Variants in ABI2 observed in about 807,000 individuals in gnomAD.
ABI2 encodes the protein abl interactor 2, also known as abelson interactor 2.
Under a neutral mutation model 59.2 loss-of-function variants are expected in ABI2, and 25 were observed. The observed-to-expected ratio is 0.42, with a 90% CI of 0.31 to 0.59. The LOEUF (loss-of-function observed/expected upper bound fraction) is 0.59, where lower values mean the gene tolerates loss of function less well. Ranked by LOEUF, ABI2 falls within the 20% of genes least tolerant of loss-of-function variation. ABI2 has a pLI of 0.14. For synonymous variants in ABI2, 213 were observed against 235.5 expected (o/e 0.90, Z 0.87); for missense variants, 545 against 681.8 (o/e 0.80, Z 2.23).
In ABI2 at chr2:203,430,204, C is replaced by A. The variant is rs918263282; in HGVS notation, c.*2852C>A. Reference sequence around the variant, plus strand: ...TTTTTGTTTTATTGTAAGTTTCCCTCTTTTTTTATAAATTAAAAGATGGTT... The same window carrying A: ...TTTTTGTTTTATTGTAAGTTTCCCTATTTTTTTATAAATTAAAAGATGGTT... On this transcript the variant is annotated 3_prime_UTR_variant, in exon 12 of 12. Transcript: ENST00000261018. 6.6e-6 allele frequency: 1 copy of A among 151,620 alleles called. No individual in the cohort carries two copies. The highest frequency in any genetic ancestry group is 6.6e-5 in the Admixed American group (1 of 15,206). The allele number at this position is 151,620 out of a possible 1,614,324, so 9.4% of individuals were successfully genotyped here.
chr2:203,395,162 C>G, intron 6 of ABI2: 1 of 698,886 alleles, frequency 1.4e-6, no homozygotes. Context: ...AGATGAAAAA[C>G]TATACATAAT....
Position 203,366,870 on chromosome 2 carries a change from T to C in ABI2, c.118-7T>C, listed in dbSNP as rs2094501538. 2 of 1,527,808 alleles carry C rather than the reference T, an allele frequency of 1.3e-6. No homozygotes were observed. Among genetic ancestry groups the C allele is most frequent in the Non-Finnish European group, 1.8e-6 (2 of 1,132,812 alleles). 94.6% of individuals were successfully genotyped at this position (1,527,808 alleles called of 1,614,324 possible). A position where few individuals can be genotyped will look rare whatever the true frequency, so the allele number is the denominator to read the frequency against. ...ATTAATGATCACTGGTTTGTTTTTT[T>C]TCCCAGTCAGCAGATAAGCAGAGAG... On this transcript the variant is annotated splice_polypyrimidine_tract_variant and splice_region_variant and intron_variant, in intron 1 of 11. Transcript: ENST00000261018.
chr2:203,402,892 C>T (rs944922112), intron 9 of ABI2, among the ~76,000 whole-genome samples, 158 bp downstream of exon 9: 1 of 152,052 alleles, frequency 6.6e-6, no homozygotes, highest in African/African-American at 2.4e-5. Context: ...AATACTGTAT[C>T]TTTCAATTCT....
rs1209239743 is a variant in ABI2, at chr2:203,380,361, G to C, written c.439G>C (p.Asp147His). 1 of 1,563,920 alleles carries C rather than the reference G, an allele frequency of 6.4e-7. No individual in the cohort carries two copies. Among genetic ancestry groups the C allele is most frequent in the South Asian group, 1.2e-5 (1 of 81,982 alleles). The change falls in exon 3 of 12, where the codon GAT becomes CAT. Residue 147 changes from aspartate (D) to histidine (H), a missense_variant. By Grantham distance (81) the Asp-to-His change is moderately conservative. Transcript: ENST00000261018. ...IRKPIDYTIL[D>H]DIGHGVKWLL... is the part of the protein sequence containing the mutation. ...AAAACCTATTGACTATACAATTCTA[G>C]ATGATATTGGACATGGAGTAAAGGT...
intron 7 of ABI2, among the ~76,000 whole-genome samples, chr2:203,396,481 C>A (rs1431742936): frequency 6.6e-6 from 1 of 151,994 alleles, no homozygotes; most frequent in East Asian, 1.9e-4. Flanking sequence ...ATACTATATA[C>A]AGAATGTTAT....
chr2:203,343,694 G>C (rs2081428414), intron 1 of ABI2, among the ~76,000 whole-genome samples: 1 of 152,180 alleles, frequency 6.6e-6, no homozygotes, highest in South Asian at 2.1e-4. Context: ...CTCTGATTGA[G>C]ATTGGTTTAA....
At chr2:203,415,461 C>T (rs1447323879) in intron 10 of ABI2, among the ~76,000 whole-genome samples, 1 of 151,606 alleles carries the variant, frequency 6.6e-6, no homozygotes, top group Non-Finnish European at 1.5e-5. Flanking sequence ...ACTAAAAATA[C>T]AAAAAATTAG....
chr2:203,429,181 C>T lies in ABI2; in HGVS notation c.*1829C>T, dbSNP rs556284263. On this transcript the variant is annotated 3_prime_UTR_variant, in exon 12 of 12. Transcript: ENST00000261018. ...CTTTGTATTTATTAGCTTTCATTAA[C>T]TTGCCTCCAGTATACATTCCACTTC... 2 of 152,326 alleles carry T rather than the reference C, an allele frequency of 1.3e-5. No individual in the cohort carries two copies. The highest frequency in any genetic ancestry group is 3.9e-4 in the East Asian group (2 of 5,194). The allele number at this position is 152,326 out of a possible 1,614,324, so 9.4% of individuals were successfully genotyped here.
At chr2:203,334,431 C>G (rs777483494) in intron 1 of ABI2, among the ~76,000 whole-genome samples, 2 of 151,936 alleles carry the variant, frequency 1.3e-5, no homozygotes, top group Non-Finnish European at 2.9e-5. Context: ...TTTTAAAATG[C>G]AGGGAATTTA....
intron 10 of ABI2, 34 bp downstream of exon 10, chr2:203,411,405 A>G: frequency 3.3e-6 from 5 of 1,521,426 alleles, no homozygotes; most frequent in Non-Finnish European, 4.5e-6. Context: ...TGTAGATCAG[A>G]TTGTAGGCAT....
intron 11 of ABI2, among the ~76,000 whole-genome samples, chr2:203,422,153 C>A (rs1340924087): frequency 9.9e-5 from 15 of 151,938 alleles, no homozygotes; most frequent in Non-Finnish European, 1.5e-5. Context: ...GAAAACTTAG[C>A]CAGACATGGT....
intron 11 of ABI2, among the ~76,000 whole-genome samples, chr2:203,422,807 C>T (rs940613709): frequency 6.6e-6 from 1 of 152,122 alleles, no homozygotes; most frequent in African/African-American, 2.4e-5. Context: ...GGTTCTAAAA[C>T]ATTTCTTAGA....
At chr2:203,420,085 T>G (rs2153569518) in intron 11 of ABI2, among the ~76,000 whole-genome samples, 1 of 152,332 alleles carries the variant, frequency 6.6e-6, no homozygotes, top group South Asian at 2.1e-4. Context: ...TACTGTAAAC[T>G]ATTAATAGTT....
chr2:203,371,800 T>C (rs908924012), intron 2 of ABI2, among the ~76,000 whole-genome samples: 1 of 152,158 alleles, frequency 6.6e-6, no homozygotes, highest in Non-Finnish European at 1.5e-5. Context: ...TGTTGCTTAC[T>C]GTGCCCATTA....
intron 9 of ABI2, among the ~76,000 whole-genome samples, chr2:203,407,504 A>T (rs1224067592): frequency 6.6e-6 from 1 of 152,238 alleles, no homozygotes; most frequent in Non-Finnish European, 1.5e-5. Context: ...TTTGAATTGG[A>T]CATCTAAAAT....
At chr2:203,364,430 C>T (rs1032580730) in intron 1 of ABI2, among the ~76,000 whole-genome samples, 3 of 152,102 alleles carry the variant, frequency 2.0e-5, no homozygotes, top group Admixed American at 6.5e-5. Context: ...GAATTGAACC[C>T]GGGTCTCCTG....
intron 1 of ABI2, among the ~76,000 whole-genome samples, chr2:203,336,302 G>A (rs2076416249): frequency 6.6e-6 from 1 of 152,148 alleles, no homozygotes; most frequent in Admixed American, 6.5e-5. Context: ...TCACTCTTTT[G>A]GGTAAATTTA....
At chr2:203,354,705 T>G (rs1435705152) in intron 1 of ABI2, among the ~76,000 whole-genome samples, 1 of 152,014 alleles carries the variant, frequency 6.6e-6, no homozygotes, top group Admixed American at 6.6e-5. Flanking sequence ...CATATTGTGA[T>G]AAGAAGAGGC....
At chr2:203,368,542 TAATAA>T (rs1258386746) in intron 2 of ABI2, among the ~76,000 whole-genome samples, 1 of 152,170 alleles carries the variant, frequency 6.6e-6, no homozygotes, top group Non-Finnish European at 1.5e-5. Context: ...ATAGTCCAGA[TAATAA>T]AATCAGATAT....
Sources: gnomAD v4.1 joint callset for allele counts (sites outside exome capture counted in the v4.1 genomes callset) on GRCh38, gnomAD v4.1.1 for gene constraint, MANE v1.5 for transcripts, NCBI Gene and HGNC (gene_info 2026-07-23, HGNC 2026-07-21) for gene names.